Variants in ADRA1B observed in about 807,000 individuals in gnomAD.
ADRA1B encodes adrenoceptor alpha 1B.
A neutral mutation model predicts 17.9 loss-of-function variants in ADRA1B; 17 were observed. The ratio of observed to expected loss-of-function variants is 0.95; its 90% CI spans 0.65 to 1.42. ADRA1B has a LOEUF of 1.42. ADRA1B is among the 40% of genes most tolerant of loss of function. The pLI is 0.00. For missense variants in ADRA1B, 681 were observed against 722.1 expected (o/e 0.94, Z 0.65); for synonymous variants, 366 against 327.6 (o/e 1.12, Z -1.27).
chr5:159,873,884 C>T (rs1462083824), intron 1 of ADRA1B, among the ~76,000 whole-genome samples: 1 of 152,092 alleles, frequency 6.6e-6, no homozygotes, highest in African/African-American at 2.4e-5. Context: ...GCTTCATTCC[C>T]CCAGAATGAA....
chr5:159,947,341 TA>T (rs199808919), intron 1 of ADRA1B, among the ~76,000 whole-genome samples: 42 of 147,278 alleles, frequency 2.9e-4, no homozygotes, highest in Non-Finnish European at 4.7e-4. Context: ...AACTCCATCT[TA>T]AAAAAAAAAG....
intron 1 of ADRA1B, among the ~76,000 whole-genome samples, chr5:159,966,579 A>C (rs1318839238): frequency 6.6e-6 from 1 of 152,246 alleles, no homozygotes; most frequent in African/African-American, 2.4e-5. Flanking sequence ...ATGGAACAAG[A>C]GGGCAAGATC....
chr5:159,901,044 T>C (rs934769957), intron 1 of ADRA1B, among the ~76,000 whole-genome samples: 1 of 151,956 alleles, frequency 6.6e-6, no homozygotes, highest in African/African-American at 2.4e-5. Flanking sequence ...GATATACTTA[T>C]TATTATATAT....
At chr5:159,891,358 C>T (rs1423602374) in intron 1 of ADRA1B, among the ~76,000 whole-genome samples, 1 of 152,068 alleles carries the variant, frequency 6.6e-6, no homozygotes, top group Non-Finnish European at 1.5e-5. Context: ...ATCACTTACA[C>T]CACTCTTCCC....
chr5:159,899,006 G>A (rs1020089264), intron 1 of ADRA1B, among the ~76,000 whole-genome samples: 1 of 151,984 alleles, frequency 6.6e-6, no homozygotes, highest in Non-Finnish European at 1.5e-5. Flanking sequence ...AATTAGCCAA[G>A]TGTGGTGGTG....
At chr5:159,944,848 G>T (rs1755225104) in intron 1 of ADRA1B, among the ~76,000 whole-genome samples, 1 of 152,090 alleles carries the variant, frequency 6.6e-6, no homozygotes, top group Non-Finnish European at 1.5e-5. Context: ...ACTCTTCAAG[G>T]CACTGCAGAT....
intron 1 of ADRA1B, among the ~76,000 whole-genome samples, chr5:159,969,821 C>A (rs1221701124): frequency 6.6e-6 from 1 of 151,932 alleles, no homozygotes; most frequent in Non-Finnish European, 1.5e-5. Context: ...GTATACACAC[C>A]AAAATATGGT....
intron 1 of ADRA1B, among the ~76,000 whole-genome samples, chr5:159,954,474 C>A (rs3844071): frequency 0.33 from 49,579 of 152,052 alleles, 8,519 homozygotes; most frequent in East Asian, 0.63. Flanking sequence ...ATACCATCAC[C>A]TGGCAGGATA....
At chr5:159,906,083 G>T (rs1207238117) in intron 1 of ADRA1B, among the ~76,000 whole-genome samples, 2 of 152,144 alleles carry the variant, frequency 1.3e-5, no homozygotes, top group Non-Finnish European at 2.9e-5. Context: ...TTGAACTCCT[G>T]ACCTCAGGTG....
Position 159,917,394 on chromosome 5 carries a change from C to T in ADRA1B, c.489C>T (p.Ile163=). 6.2e-7 allele frequency: 1 copy of T among 1,614,190 alleles called. No homozygotes were observed. ...CGCTGGTCACCCGGAGGAAGGCCAT[C>T]TTGGCGCTGCTCAGTGTCTGGGTCT... ...YPTLVTRRKA[I]LALLSVWVLS... Residue 163 remains isoleucine (I), a synonymous_variant, in exon 1 of 2, where the codon ATC becomes ATT. Transcript: ENST00000306675.
At chr5:159,938,502 G>A (rs1163425287) in intron 1 of ADRA1B, among the ~76,000 whole-genome samples, 1 of 152,178 alleles carries the variant, frequency 6.6e-6, no homozygotes, top group Non-Finnish European at 1.5e-5. Flanking sequence ...GAATCCCAGA[G>A]AATGGGTAAT....
chr5:159,886,444 C>G (rs1169087876), intron 1 of ADRA1B, among the ~76,000 whole-genome samples: 1 of 152,192 alleles, frequency 6.6e-6, no homozygotes, highest in Non-Finnish European at 1.5e-5. Context: ...ATTAAGCTGT[C>G]TGCTGGGGGC....
At chr5:159,890,110 G>A (rs1306720771) in intron 1 of ADRA1B, among the ~76,000 whole-genome samples, 3 of 152,256 alleles carry the variant, frequency 2.0e-5, no homozygotes, top group South Asian at 2.1e-4. Flanking sequence ...TTGAGGGTCC[G>A]GCTCCAAACC....
At chr5:159,924,221 G>A (rs954972142) in intron 1 of ADRA1B, among the ~76,000 whole-genome samples, 1 of 110,970 alleles carries the variant, frequency 9.0e-6, no homozygotes, top group Non-Finnish European at 2.3e-5. Context: ...TCTATTTGGG[G>A]ACACTGAAAT....
At chr5:159,912,209 A>G (rs1376526239), upstream of ADRA1B, among the ~76,000 whole-genome samples, 1 of 152,154 alleles carries the variant, frequency 6.6e-6, no homozygotes, top group East Asian at 1.9e-4. Context: ...TCTGATCTTC[A>G]TTTCACAGGT....
chr5:159,969,232 C>T (rs752262206), intron 1 of ADRA1B, among the ~76,000 whole-genome samples: 1 of 152,230 alleles, frequency 6.6e-6, no homozygotes, highest in Non-Finnish European at 1.5e-5. Context: ...TTGGCACTTA[C>T]ATCCAGGTAT....
intron 1 of ADRA1B, among the ~76,000 whole-genome samples, chr5:159,925,981 C>G (rs2113182550): frequency 6.6e-6 from 1 of 152,274 alleles, no homozygotes; most frequent in South Asian, 2.1e-4. Flanking sequence ...CTCCAGCAAC[C>G]TCGTGACTGC....
At chr5:159,969,621 A>C (rs1246876380) in intron 1 of ADRA1B, among the ~76,000 whole-genome samples, 1 of 152,186 alleles carries the variant, frequency 6.6e-6, no homozygotes, top group Non-Finnish European at 1.5e-5. Flanking sequence ...TCTTCTTTTC[A>C]CAAATAGATT....
At chr5:159,909,954 T>C (rs1361484874) in intron 1 of ADRA1B, among the ~76,000 whole-genome samples, 1 of 152,092 alleles carries the variant, frequency 6.6e-6, no homozygotes, top group Non-Finnish European at 1.5e-5. Context: ...TGCAGCAAAT[T>C]CTCAATAAGG....
Sources: allele counts gnomAD v4.1 joint callset (sites outside exome capture counted in the v4.1 genomes callset), GRCh38; gene constraint gnomAD v4.1.1; transcripts MANE v1.5; gene names NCBI Gene and HGNC (gene_info 2026-07-23, HGNC 2026-07-21).